The following KATNAL2 variants were observed in gnomAD, a reference collection of about 807,000 sequenced individuals.
KATNAL2 encodes katanin catalytic subunit A1 like 2, also known as katanin p60 ATPase-containing subunit A-like 2.
Under a neutral mutation model 76.3 loss-of-function variants are expected in KATNAL2, and 52 were observed. The ratio of observed to expected loss-of-function variants is 0.68; its 90% confidence interval spans 0.55 to 0.86. KATNAL2 has a LOEUF of 0.86. KATNAL2 is among the 40% of genes least tolerant of loss of function. The pLI is 0.00. For missense variants in KATNAL2, 660 were observed against 668.9 expected (o/e 0.99, Z 0.15); for synonymous variants, 243 against 244.2 (o/e 1.00, Z 0.05).
At chr18:46,956,267 G>A (rs774240118) in intron 3 of KATNAL2, among the ~76,000 whole-genome samples, 4 of 152,128 alleles carry the variant, frequency 2.6e-5, no homozygotes, top group South Asian at 2.1e-4. Context: ...TACGATAAAC[G>A]CAATTTAGTG....
intron 11 of KATNAL2, among the ~76,000 whole-genome samples, chr18:47,068,003 A>G (rs576746616): frequency 6.6e-6 from 1 of 152,350 alleles, no homozygotes; most frequent in African/African-American, 2.4e-5. Flanking sequence ...AGTCCTGCTC[A>G]CATGGTGGCA....
intron 3 of KATNAL2, chr18:47,032,697 T>A (rs2060530243): frequency 4.4e-6 from 2 of 451,506 alleles, no homozygotes; most frequent in Admixed American, 4.0e-5. Flanking sequence ...AAATCTCACA[T>A]CTTTTTCCTT....
Position 47,067,087 on chromosome 18 carries a change from T to G in KATNAL2, c.793T>G (p.Leu265Val), listed in dbSNP as rs139560400. ...TATTGGACTTGATGCAGCCAAGCAG[T>G]TAGTCAAAGAAGCTGTTGTGTATCC... ...DIIGLDAAKQ[L>V]VKEAVVYPIR... is the part of the protein sequence containing the mutation. Residue 265 changes from leucine to valine, a missense_variant, in exon 11 of 18, where the codon TTA becomes GTA. Physicochemically the swap from Leu to Val is conservative, Grantham distance 32. Transcript: ENST00000683218. The G allele has an allele frequency of 6.0e-4, 957 of 1,583,236 alleles. 15 individuals carry two copies. The East Asian group carries it at 0.02, about 33-fold the overall frequency.
intron 3 of KATNAL2, among the ~76,000 whole-genome samples, chr18:46,955,291 A>G (rs1310236844): frequency 1.3e-5 from 2 of 148,530 alleles, no homozygotes; most frequent in Admixed American, 1.3e-4. Context: ...ATCTCAGCTC[A>G]CCGCAACTTC....
chr18:46,940,107 G>A (rs1490369639), intron 1 of KATNAL2, among the ~76,000 whole-genome samples: 3 of 152,176 alleles, frequency 2.0e-5, no homozygotes, highest in African/African-American at 2.4e-5. Flanking sequence ...GTTTGAACAG[G>A]TCCAATACCT....
chr18:46,919,007 A>ATG (rs112427539), intron 1 of KATNAL2, among the ~76,000 whole-genome samples: 5,975 of 143,222 alleles, frequency 0.042, 145 homozygotes, highest in African/African-American at 0.063. Context: ...ATATATATAT[A>ATG]TGTGTGTGTG....
intron 10 of KATNAL2, among the ~76,000 whole-genome samples, chr18:47,066,757 G>A (rs72903239): frequency 0.012 from 1,741 of 147,910 alleles, 21 homozygotes; most frequent in Non-Finnish European, 0.018. Context: ...ACCACAATGT[G>A]TTATCAATGT....
At chr18:46,921,796 A>C (rs1028513151) in intron 1 of KATNAL2, among the ~76,000 whole-genome samples, 10 of 151,984 alleles carry the variant, frequency 6.6e-5, no homozygotes, top group African/African-American at 2.2e-4. Flanking sequence ...CCAACCATGT[A>C]ACCTTGAGTT....
chr18:46,937,437 T>G (rs1253423707), intron 1 of KATNAL2, among the ~76,000 whole-genome samples: 1 of 152,130 alleles, frequency 6.6e-6, no homozygotes, highest in Non-Finnish European at 1.5e-5. Context: ...CTAAATGTTA[T>G]ATGGTATCCT....
At chr18:46,921,104 GTTTT>G (rs1568968379) in intron 1 of KATNAL2, among the ~76,000 whole-genome samples, 1 of 152,096 alleles carries the variant, frequency 6.6e-6, no homozygotes, top group African/African-American at 2.4e-5. Flanking sequence ...AGTGTCCTAA[GTTTT>G]TTTGTTTGTT....
chr18:47,053,224 T>G (rs915887730), intron 5 of KATNAL2, among the ~76,000 whole-genome samples, 178 bp downstream of exon 5: 1 of 152,214 alleles, frequency 6.6e-6, no homozygotes, highest in Non-Finnish European at 1.5e-5. Flanking sequence ...ACCTGGACAC[T>G]GATATCCCTT....
intron 3 of KATNAL2, among the ~76,000 whole-genome samples, chr18:46,956,453 C>A (rs547435296): frequency 5.9e-5 from 9 of 152,290 alleles, no homozygotes; most frequent in African/African-American, 2.2e-4. Context: ...TCTCTCTCTG[C>A]CCCTTAAATT....
chr18:47,054,681 T>C lies in KATNAL2; in HGVS notation c.332+243T>C, dbSNP rs534138092. The C allele has an allele frequency of 6.4e-6, 3 of 469,502 alleles. No homozygotes were observed. In the East Asian group the frequency reaches 1.1e-4, roughly 16 times the overall value. The allele number at this position is 469,502 out of a possible 1,614,324, so 29.1% of individuals were successfully genotyped here. A position where few individuals can be genotyped will look rare whatever the true frequency, so the allele number is the denominator to read the frequency against. On this transcript the variant is annotated intron_variant, in intron 6 of 17. Coordinates refer to ENST00000683218, the MANE Select transcript of KATNAL2 (RefSeq NM_001387690.1). ...TGTGATGCTCTGTCTTTCCAGGCCA[T>C]GTGGTATGAAAAGTCTTAACCTCAA...
At chr18:46,939,173 C>T (rs1200249673) in intron 1 of KATNAL2, among the ~76,000 whole-genome samples, 2 of 151,964 alleles carry the variant, frequency 1.3e-5, no homozygotes, top group Non-Finnish European at 2.9e-5. Flanking sequence ...AACCCCGTCT[C>T]TACTAAAAAG....
At chr18:46,927,388 T>G (rs2058761723) in intron 1 of KATNAL2, among the ~76,000 whole-genome samples, 1 of 152,166 alleles carries the variant, frequency 6.6e-6, no homozygotes, top group African/African-American at 2.4e-5. Context: ...AAAATTCTTT[T>G]CTTTAAGAAT....
At chr18:47,058,899 A>C (rs922741255) in intron 7 of KATNAL2, among the ~76,000 whole-genome samples, 1 of 152,134 alleles carries the variant, frequency 6.6e-6, no homozygotes, top group African/African-American at 2.4e-5. Context: ...CAGCAAGGAG[A>C]GAATCCAGCA....
At chr18:47,033,472 G>C (rs1185164965) in intron 3 of KATNAL2, 1 of 1,614,112 alleles carries the variant, frequency 6.2e-7, no homozygotes. Context: ...GTTTTCCTGT[G>C]GCTTTTCTTC....
At position 47,043,245 on chromosome 18, in the gene KATNAL2, A is replaced by AAAAAAAAAAAAAAAAAAAAAACAAAT. The variant is rs376877321; in HGVS notation, c.52-3212_52-3211insAAAAAAAAAAAAAAAAAAAAACAAAT. 2.1e-5 allele frequency among the ~76,000 whole-genome samples: 2 copies of AAAAAAAAAAAAAAAAAAAAAACAAAT among 93,176 alleles called. 1 individual carries two copies. Among genetic ancestry groups the AAAAAAAAAAAAAAAAAAAAAACAAAT allele is most frequent in the African/African-American group, 8.1e-5 (2 of 24,702 alleles). The allele number at this position is 93,176 out of a possible 152,430, so 61.1% of individuals were successfully genotyped here. A position where few individuals can be genotyped will look rare whatever the true frequency, so the allele number is the denominator to read the frequency against. ...CCGTTTCAAAAAAAAAAAAAAAAAA[A>AAAAAAAAAAAAAAAAAAAAAACAAAT]GAGATCCTAAAAGCTTCCTGGGAAG... On this transcript the variant is annotated intron_variant, in intron 3 of 17. Transcript: ENST00000683218.
At chr18:47,078,824 A>T (rs1447108144) in intron 15 of KATNAL2, among the ~76,000 whole-genome samples, 1 of 152,218 alleles carries the variant, frequency 6.6e-6, no homozygotes, top group African/African-American at 2.4e-5. Context: ...CCAAAAACAA[A>T]GCAAAAAACG....
Sources: allele counts gnomAD v4.1 joint callset (sites outside exome capture counted in the v4.1 genomes callset), GRCh38; gene constraint gnomAD v4.1.1; transcripts MANE v1.5; gene names NCBI Gene and HGNC (gene_info 2026-07-23, HGNC 2026-07-21).